Variants in SEMA3C observed in about 807,000 individuals in gnomAD.
The protein encoded by SEMA3C is semaphorin-3C.
Under a neutral mutation model 89.4 loss-of-function variants are expected in SEMA3C, and 47 were observed. The observed-to-expected ratio is 0.53, with a 90% CI of 0.42 to 0.67. SEMA3C has a LOEUF of 0.67. SEMA3C is among the 30% of genes least tolerant of loss of function. The pLI is 0.00. For synonymous variants in SEMA3C, 310 were observed against 320.2 expected (o/e 0.97, Z 0.34); for missense variants, 839 against 929.1 (o/e 0.90, Z 1.26).
Position 80,746,718 on chromosome 7 carries a change from G to GGTGTGTGTGTGTGTGTGTGTGTGTGTGT in SEMA3C, c.1843-1439_1843-1412dup, listed in dbSNP as rs5885196. ...ATCACATGTACTGATATTGAAGTGGGGTGTGTGTGTGTGTGTGTGTGTGTG... is the reference window on the plus strand; with the variant it reads ...ATCACATGTACTGATATTGAAGTGGGGTGTGTGTGTGTGTGTGTGTGTGTGTGTGTGTGTGTGTGTGTGTGTGTGTGTG... On this transcript the variant is annotated intron_variant, in intron 17 of 17. Coordinates refer to ENST00000265361, the MANE Select transcript of SEMA3C (RefSeq NM_006379.5). Among the ~76,000 whole-genome samples the GGTGTGTGTGTGTGTGTGTGTGTGTGTGT allele has an allele frequency of 2.3e-3, 333 of 143,016 alleles. 4 individuals carry two copies. Among genetic ancestry groups the GGTGTGTGTGTGTGTGTGTGTGTGTGTGT allele is most frequent in the Non-Finnish European group, 4.2e-3 (273 of 65,776 alleles). The allele number at this position is 143,016 out of a possible 152,430, so 93.8% of individuals were successfully genotyped here.
At chr7:80,835,312 T>C (rs1446338390) in intron 2 of SEMA3C, among the ~76,000 whole-genome samples, 1 of 152,208 alleles carries the variant, frequency 6.6e-6, no homozygotes, top group African/African-American at 2.4e-5. Context: ...ACTATTTCAC[T>C]GCTTACCTAA....
chr7:80,919,082 G>A (rs1258155207), upstream of SEMA3C: 2 of 985,132 alleles, frequency 2.0e-6, no homozygotes, highest in Non-Finnish European at 2.4e-6. Context: ...CCGGGGGCGA[G>A]CGCTCTTGGT....
rs560026543 is a variant in SEMA3C, at chr7:80,755,329, A to AATGAG, written c.1643+2997_1643+3001dup. ...TAATAGGTGGGAAAACATGCAAACA[A>AATGAG]ATGAGCTAGCCCATATTGAGCATAA... On this transcript the variant is annotated intron_variant, in intron 15 of 17. Coordinates refer to ENST00000265361, the MANE Select transcript of SEMA3C (RefSeq NM_006379.5). 1.6e-3 allele frequency among the ~76,000 whole-genome samples: 242 copies of AATGAG among 150,650 alleles called. 1 individual carries two copies. The highest frequency in any genetic ancestry group is 6.4e-3 in the South Asian group (30 of 4,688).
At chr7:80,749,961 A>G (rs1787887702) in intron 16 of SEMA3C, among the ~76,000 whole-genome samples, 1 of 152,216 alleles carries the variant, frequency 6.6e-6, no homozygotes, top group Non-Finnish European at 1.5e-5. Context: ...CTTTTATAAA[A>G]TAGCAAATGG....
intron 15 of SEMA3C, among the ~76,000 whole-genome samples, chr7:80,752,161 T>C (rs765520286): frequency 7.9e-5 from 12 of 152,220 alleles, no homozygotes; most frequent in Admixed American, 1.3e-4. Flanking sequence ...TCTAAATATA[T>C]TGATATTTAA....
intron 17 of SEMA3C, among the ~76,000 whole-genome samples, chr7:80,746,770 A>G (rs1435113024): frequency 7.7e-6 from 1 of 129,854 alleles, no homozygotes. Flanking sequence ...ACTATAGAAC[A>G]TATTTGGAGA....
chr7:80,849,395 T>A (rs1303608975), intron 2 of SEMA3C, among the ~76,000 whole-genome samples: 1 of 151,128 alleles, frequency 6.6e-6, no homozygotes, highest in Non-Finnish European at 1.5e-5. Context: ...TTTTCCTTAA[T>A]TGTAAATCCT....
intron 2 of SEMA3C, among the ~76,000 whole-genome samples, chr7:80,904,768 T>A (rs568319656): frequency 6.6e-6 from 1 of 152,220 alleles, no homozygotes; most frequent in African/African-American, 2.4e-5. Context: ...ACCTGGACAG[T>A]TTTACAACAC....
At chr7:80,828,823 C>T in intron 2 of SEMA3C, 78 bp from the exon 3 acceptor site, 1 of 1,081,436 alleles carries the variant, frequency 9.2e-7, no homozygotes, top group South Asian at 2.1e-5. Flanking sequence ...AACTATTATG[C>T]AAATATTCCA....
intron 6 of SEMA3C, among the ~76,000 whole-genome samples, chr7:80,806,199 G>T (rs1033450144): frequency 1.7e-4 from 26 of 152,046 alleles, no homozygotes; most frequent in African/African-American, 6.3e-4. Flanking sequence ...AACAAGCTGG[G>T]AACTAGTGCT....
intron 2 of SEMA3C, among the ~76,000 whole-genome samples, chr7:80,836,844 C>T (rs1351011306): frequency 6.6e-6 from 1 of 152,116 alleles, no homozygotes; most frequent in Non-Finnish European, 1.5e-5. Flanking sequence ...CCAGATTGTG[C>T]CCATTTCCCC....
At position 80,828,673 on chromosome 7, in the gene SEMA3C, A is replaced by G; in HGVS notation, c.176T>C (p.Met59Thr). The part of the protein sequence containing the change: ...HHPLDYRILL[M>T]DEDQDRIYVG... ...ATATATCCGGTCCTGATCTTCATCC[A>G]TTAATAAAATCCTGTAGTCTAAAGG... Residue 59 changes from methionine to threonine, a missense_variant, in exon 3 of 18, where the codon ATG becomes ACG. Transcript: ENST00000265361. 1 of 1,612,158 alleles carries G rather than the reference A, an allele frequency of 6.2e-7. No individual in the cohort carries two copies. Among genetic ancestry groups the G allele is most frequent in the Non-Finnish European group, 8.5e-7 (1 of 1,178,562 alleles).
intron 2 of SEMA3C, among the ~76,000 whole-genome samples, chr7:80,865,911 A>C (rs1041291821): frequency 6.6e-6 from 1 of 152,192 alleles, no homozygotes; most frequent in South Asian, 2.1e-4. Flanking sequence ...GTGGCATTTG[A>C]TCTTTCAGAA....
chr7:80,750,018 A>C (rs1366242126), intron 16 of SEMA3C, among the ~76,000 whole-genome samples: 1 of 152,190 alleles, frequency 6.6e-6, no homozygotes. Flanking sequence ...GTATGGAACA[A>C]GTAAGCAAAA....
Position 80,761,659 on chromosome 7 carries a change from TA to T in SEMA3C, c.1444-3del. On this transcript the variant is annotated splice_region_variant and splice_polypyrimidine_tract_variant and intron_variant, in intron 13 of 17. Transcript: ENST00000265361. Reference sequence around the variant, plus strand: ...CATTGTTGTTATAGGAGCATGATTCTAAAATATTAGAAAACAACATGTTAGT... The same window carrying T: ...CATTGTTGTTATAGGAGCATGATTCTAAATATTAGAAAACAACATGTTAGT... The T allele has an allele frequency of 7.5e-7, 1 of 1,329,686 alleles. No homozygotes were observed. Among genetic ancestry groups the T allele is most frequent in the Non-Finnish European group, 1.0e-6 (1 of 968,282 alleles). 82.4% of individuals were successfully genotyped at this position (1,329,686 alleles called of 1,614,324 possible). A position where few individuals can be genotyped will look rare whatever the true frequency, so the allele number is the denominator to read the frequency against.
At chr7:80,802,341 A>G (rs1211413362) in intron 9 of SEMA3C, among the ~76,000 whole-genome samples, 1 of 152,158 alleles carries the variant, frequency 6.6e-6, no homozygotes, top group Non-Finnish European at 1.5e-5. Context: ...ATTCTAATAT[A>G]CATGAAATAA....
chr7:80,901,211 A>G (rs758306531), intron 2 of SEMA3C, among the ~76,000 whole-genome samples: 1 of 152,244 alleles, frequency 6.6e-6, no homozygotes, highest in Non-Finnish European at 1.5e-5. Context: ...TTTTGGTTTT[A>G]TCAACAATAT....
chr7:80,829,582 A>C (rs1789963498), intron 2 of SEMA3C, among the ~76,000 whole-genome samples: 1 of 152,106 alleles, frequency 6.6e-6, no homozygotes, highest in African/African-American at 2.4e-5. Context: ...AGGCAATGTT[A>C]TTTTTAGCAG....
rs568440193 is a variant in SEMA3C at position 80,777,946 on chromosome 7, CTTTA to C, written c.1354+11356_1354+11359del. 1.8e-4 allele frequency among the ~76,000 whole-genome samples: 28 copies of C among 152,228 alleles called. No individual in the cohort carries two copies. In the South Asian group the frequency reaches 2.3e-3, roughly 12 times the overall value. On this transcript the variant is annotated intron_variant, in intron 12 of 17. Coordinates refer to ENST00000265361, the MANE Select transcript of SEMA3C (RefSeq NM_006379.5). ...TTCCCTTTTAAGATGTGACTTCATA[CTTTA>C]TTTATTCAACTAAGGTGTCTGTCCT...
Sources: allele counts gnomAD v4.1 joint callset (sites outside exome capture counted in the v4.1 genomes callset), GRCh38; gene constraint gnomAD v4.1.1; transcripts MANE v1.5; gene names NCBI Gene and HGNC (gene_info 2026-07-23, HGNC 2026-07-21).